The following FXN variants were observed in gnomAD, a reference collection of about 807,000 sequenced individuals.
FXN encodes the protein frataxin, mitochondrial.
Under a neutral mutation model 22.4 loss-of-function variants are expected in FXN, and 14 were observed. The observed-to-expected ratio is 0.62, with a 90% CI of 0.41 to 0.98. The LOEUF (loss-of-function observed/expected upper bound fraction) is 0.98. Among genes scored for constraint, FXN ranks in the 50% least tolerant of loss-of-function variants. The pLI is 0.00. For missense variants in FXN, 267 were observed against 268.4 expected, an observed-to-expected ratio of 0.99 and a Z score of 0.04; for synonymous variants, 120 against 114.1, an observed-to-expected ratio of 1.05 and a Z score of -0.33.
chr9:69,059,189 C>G (rs1432153515), intron 3 of FXN, among the ~76,000 whole-genome samples: 1 of 152,118 alleles, frequency 6.6e-6, no homozygotes, highest in African/African-American at 2.4e-5. Context: ...AGCCAAAACT[C>G]GGTGATTGGT....
At position 69,044,063 on chromosome 9, in the gene FXN, G is replaced by T. The variant is rs569388825; in HGVS notation, c.166-2322G>T. Among the ~76,000 whole-genome samples, 5 of 152,070 alleles carry T rather than the reference G, an allele frequency of 3.3e-5. No individual in the cohort carries two copies. In the South Asian group the frequency reaches 1.0e-3, roughly 32 times the overall value. On this transcript the variant is annotated intron_variant, in intron 1 of 4. Transcript: ENST00000484259. The stretch of plus-strand genomic sequence containing the variant: ...GAATCAACTATATATATTACATAAG[G>T]TGTCTTTAAACAGAAATAAGGTTAT...
rs1832393848 is a variant in FXN at position 69,077,607 on chromosome 9, A to G, written c.*4845A>G. 2 of 985,366 alleles carry G rather than the reference A, an allele frequency of 2.0e-6. No individual in the cohort carries two copies. The highest frequency in any genetic ancestry group is 4.7e-5 in the South Asian group (1 of 21,290). 61.0% of individuals were successfully genotyped at this position (985,366 alleles called of 1,614,324 possible). On this transcript the variant is annotated 3_prime_UTR_variant, in exon 5 of 5. Coordinates refer to ENST00000484259, the MANE Select transcript of FXN (RefSeq NM_000144.5). ...TTGTGTTTCTGTGATCTGTGGGAAC[A>G]TTGTTAACGCCACATCTTGACCTCA...
rs187376244 is a variant in FXN at position 69,046,753 on chromosome 9, C to T, written c.263+271C>T. 1.6e-3 allele frequency among the ~76,000 whole-genome samples: 246 copies of T among 152,340 alleles called. 1 individual carries two copies. Among genetic ancestry groups the T allele is most frequent in the African/African-American group, 5.3e-3 (219 of 41,572 alleles). On this transcript the variant is annotated intron_variant, in intron 2 of 4. Coordinates refer to ENST00000484259, the MANE Select transcript of FXN (RefSeq NM_000144.5). ...ACCCTAATAGTTAGAGCAGGCCATGCTGCTATCACAAATAGACCCAAATAT... is the reference window on the plus strand; with the variant it reads ...ACCCTAATAGTTAGAGCAGGCCATGTTGCTATCACAAATAGACCCAAATAT...
chr9:69,066,871 T>TAC (rs1832174888), intron 4 of FXN, among the ~76,000 whole-genome samples: 1 of 141,648 alleles, frequency 7.1e-6, no homozygotes. Flanking sequence ...AAAAAAAAAA[T>TAC]ATATATATAT....
chr9:69,051,410 CTTTCT>C (rs1831848257), intron 2 of FXN, among the ~76,000 whole-genome samples: 2 of 151,356 alleles, frequency 1.3e-5, no homozygotes, highest in Admixed American at 1.3e-4. Context: ...CGATCTGTCT[CTTTCT>C]TTTCTTTTTT....
chr9:69,055,797 G>A (rs948072613), intron 3 of FXN, among the ~76,000 whole-genome samples: 3 of 151,606 alleles, frequency 2.0e-5, no homozygotes, highest in African/African-American at 4.8e-5. Flanking sequence ...CCTGGCAAAA[G>A]TCATCTTTTG....
At position 69,035,963 on chromosome 9, in the gene FXN, G is replaced by A. The variant is rs966270819; in HGVS notation, c.165+16G>A. On this transcript the variant is annotated intron_variant, in intron 1 of 4. Coordinates refer to ENST00000484259, the MANE Select transcript of FXN (RefSeq NM_000144.5). Reference sequence around the variant, plus strand: ...CCGCCGCGCAGTAAGTATCCGCGCCGGGAACAGCCGCGGGCCGCACGCCGC... The same window carrying A: ...CCGCCGCGCAGTAAGTATCCGCGCCAGGAACAGCCGCGGGCCGCACGCCGC... 4.8e-6 allele frequency: 7 copies of A among 1,450,882 alleles called. No homozygotes were observed. In the African/African-American group the frequency reaches 7.4e-5, roughly 15 times the overall value. The allele number at this position is 1,450,882 out of a possible 1,614,324, so 89.9% of individuals were successfully genotyped here.
chr9:69,045,837 AG>A (rs930240161), intron 1 of FXN, among the ~76,000 whole-genome samples: 2 of 146,976 alleles, frequency 1.4e-5, no homozygotes, highest in African/African-American at 5.0e-5. Context: ...GAAGTGTGCA[AG>A]GGCAAGTGGG....
chr9:69,035,957 C>A lies in FXN; in HGVS notation c.165+10C>A. The A allele has an allele frequency of 6.9e-7, 1 of 1,458,860 alleles. No individual in the cohort carries two copies. Among genetic ancestry groups the A allele is most frequent in the African/African-American group, 1.5e-5 (1 of 67,844 alleles). 90.4% of individuals were successfully genotyped at this position (1,458,860 alleles called of 1,614,324 possible). The stretch of plus-strand genomic sequence containing the variant: ...CACGCCCCGCCGCGCAGTAAGTATC[C>A]GCGCCGGGAACAGCCGCGGGCCGCA... On this transcript the variant is annotated intron_variant, in intron 1 of 4. Transcript: ENST00000484259.
At chr9:69,042,420 T>C (rs956351887) in intron 1 of FXN, among the ~76,000 whole-genome samples, 3 of 152,124 alleles carry the variant, frequency 2.0e-5, no homozygotes, top group African/African-American at 7.2e-5. Flanking sequence ...GGTATTTCTG[T>C]TCTCTTGTTT....
At chr9:69,055,720 C>G (rs1261338625) in intron 3 of FXN, among the ~76,000 whole-genome samples, 2 of 151,782 alleles carry the variant, frequency 1.3e-5, no homozygotes, top group African/African-American at 4.8e-5. Flanking sequence ...TCTCAAACTC[C>G]TGATCTCAAG....
intron 3 of FXN, among the ~76,000 whole-genome samples, chr9:69,064,576 G>A (rs182344078): frequency 6.6e-6 from 1 of 152,164 alleles, no homozygotes; most frequent in African/African-American, 2.4e-5. Flanking sequence ...ATGTCCTCTA[G>A]TATGTTCTGG....
chr9:69,070,734 T>G (rs1301943267), intron 4 of FXN, among the ~76,000 whole-genome samples: 1 of 152,138 alleles, frequency 6.6e-6, no homozygotes, highest in Non-Finnish European at 1.5e-5. Context: ...ATTTTGTTTT[T>G]TTTTCTCTCA....
intron 4 of FXN, among the ~76,000 whole-genome samples, chr9:69,072,193 T>C (rs1349856926): frequency 6.6e-6 from 1 of 152,236 alleles, no homozygotes; most frequent in Non-Finnish European, 1.5e-5. Flanking sequence ...AATTATTCAT[T>C]TTTAAATGGT....
At chr9:69,061,135 A>G (rs2498434) in intron 3 of FXN, among the ~76,000 whole-genome samples, 74,331 of 152,118 alleles carry the variant, frequency 0.49, 18,603 homozygotes, top group Admixed American at 0.6. Context: ...CCTTTGAAAA[A>G]GAGTGGCCTG....
At chr9:69,055,379 C>A (rs1005091513) in intron 3 of FXN, among the ~76,000 whole-genome samples, 1 of 152,158 alleles carries the variant, frequency 6.6e-6, no homozygotes, top group African/African-American at 2.4e-5. Context: ...AGTCATGAAA[C>A]CTGTTTTTAT....
intron 1 of FXN, among the ~76,000 whole-genome samples, chr9:69,038,933 A>C (rs574407381): frequency 1.3e-5 from 2 of 152,298 alleles, no homozygotes; most frequent in South Asian, 4.1e-4. Flanking sequence ...GAAGGTTCAC[A>C]TAGTCAAGTT....
intron 3 of FXN, among the ~76,000 whole-genome samples, chr9:69,056,557 T>G (rs1050398951): frequency 3.3e-5 from 5 of 152,006 alleles, no homozygotes; most frequent in Non-Finnish European, 7.4e-5. Flanking sequence ...AGACTGGGAG[T>G]TCGAGGCAGC....
rs11145043 is a variant in FXN at position 69,073,560 on chromosome 9, T to A, written c.*798T>A. 1.0e-5 allele frequency: 10 copies of A among 985,110 alleles called. No individual in the cohort carries two copies. In the South Asian group the frequency reaches 1.4e-4, roughly 14 times the overall value. 61.0% of individuals were successfully genotyped at this position (985,110 alleles called of 1,614,324 possible). A position where few individuals can be genotyped will look rare whatever the true frequency, so the allele number is the denominator to read the frequency against. On this transcript the variant is annotated 3_prime_UTR_variant, in exon 5 of 5. Coordinates refer to ENST00000484259, the MANE Select transcript of FXN (RefSeq NM_000144.5). ...AAAATCATGGAGCTGAGGAGGTGCC[T>A]TGTAAACATGAAGGGGCAGATAAAG...
Sources: gnomAD v4.1 joint callset for allele counts (sites outside exome capture counted in the v4.1 genomes callset) on GRCh38, gnomAD v4.1.1 for gene constraint, MANE v1.5 for transcripts, NCBI Gene and HGNC (gene_info 2026-07-23, HGNC 2026-07-21) for gene names.